The following SLC28A1 variants were observed in gnomAD, a reference collection of about 807,000 sequenced individuals.
SLC28A1 encodes the protein solute carrier family 28 member 1.
A neutral mutation model predicts 74.8 loss-of-function variants in SLC28A1; 64 were observed. That is an observed-to-expected ratio of 0.86 (90% CI 0.70 to 1.05). The LOEUF (loss-of-function observed/expected upper bound fraction) is 1.05, where lower values mean the gene tolerates loss of function less well. Ranked by LOEUF, SLC28A1 falls within the 50% of genes least tolerant of loss-of-function variation. The pLI is 0.00. For missense variants in SLC28A1, 828 were observed against 822.8 expected (o/e 1.01, Z -0.08); for synonymous variants, 359 against 335.0 (o/e 1.07, Z -0.78).
At chr15:84,964,572 C>G in the SLC28A1 span, among the ~76,000 whole-genome samples, 1 of 152,236 alleles carries the variant, frequency 6.6e-6, no homozygotes, top group East Asian at 1.9e-4. Flanking sequence ...AGTAGCAACT[C>G]CAGGGGTAAG....
chr15:84,890,413 A>C (rs189868450), intron 4 of SLC28A1, 30 bp from the exon 5 acceptor site: 2 of 1,547,838 alleles, frequency 1.3e-6, no homozygotes, highest in East Asian at 2.3e-5. Context: ...CTGCTCATGC[A>C]CTCATGGACC....
chr15:84,936,917 G>A (rs1251901667), intron 15 of SLC28A1, among the ~76,000 whole-genome samples: 1 of 152,088 alleles, frequency 6.6e-6, no homozygotes, highest in Non-Finnish European at 1.5e-5. Context: ...GCGGGGTGCA[G>A]TGGTGCATGC....
intron 8 of SLC28A1, 77 bp downstream of exon 8, chr15:84,905,729 A>G (rs1007139914): frequency 2.0e-4 from 219 of 1,106,730 alleles, no homozygotes; most frequent in Admixed American, 6.8e-4. Flanking sequence ...GCAGGGGGAA[A>G]AGTGGGTGGT....
chr15:84,927,678 T>A (rs1466054773), intron 12 of SLC28A1, among the ~76,000 whole-genome samples: 1 of 152,212 alleles, frequency 6.6e-6, no homozygotes, highest in Non-Finnish European at 1.5e-5. Flanking sequence ...GAAAAGGGCT[T>A]CTGGTCTCCG....
intron 4 of SLC28A1, among the ~76,000 whole-genome samples, chr15:84,889,149 C>G (rs1455029311): frequency 2.0e-5 from 3 of 152,186 alleles, no homozygotes; most frequent in African/African-American, 4.8e-5. Context: ...CAACCTCCCC[C>G]TTCTGCCTTC....
chr15:84,935,551 G>A, intron 15 of SLC28A1, 33 bp downstream of exon 15: 2 of 1,571,730 alleles, frequency 1.3e-6, no homozygotes, highest in Non-Finnish European at 1.7e-6. Context: ...TGCAGCAGGG[G>A]GATGACACGG....
chr15:84,886,230 A>G, intron 1 of SLC28A1: 6 of 985,410 alleles, frequency 6.1e-6, no homozygotes, highest in South Asian at 4.7e-5. Context: ...TCACAGCTAC[A>G]CTGCTTTCCT....
intron 15 of SLC28A1, among the ~76,000 whole-genome samples, chr15:84,943,042 C>T (rs138866387): frequency 1.0e-3 from 155 of 152,050 alleles, no homozygotes; most frequent in East Asian, 8.5e-3. Flanking sequence ...AAAAGTTAGC[C>T]GGGCGTGGTG....
the SLC28A1 span, among the ~76,000 whole-genome samples, chr15:84,952,404 T>C: frequency 1.3e-5 from 2 of 152,148 alleles, no homozygotes; most frequent in Non-Finnish European, 2.9e-5. Context: ...CACGAAATGC[T>C]GCTACACACT....
In SLC28A1 at chr15:84,908,815, C is replaced by T. The variant is rs1019560116; in HGVS notation, c.795+20C>T. ...TTTCAGGTCAGCTTGACTCAGGGTC[C>T]CAGAGGCCTTTAGCAGCCACCGCCC... On this transcript the variant is annotated intron_variant, in intron 9 of 18. Coordinates refer to ENST00000394573, the MANE Select transcript of SLC28A1 (RefSeq NM_004213.5). 1.2e-6 allele frequency: 2 copies of T among 1,607,116 alleles called. No individual in the cohort carries two copies. Among genetic ancestry groups the T allele is most frequent in the South Asian group, 2.2e-5 (2 of 90,906 alleles).
chr15:84,952,624 G>A, the SLC28A1 span, among the ~76,000 whole-genome samples: 8 of 152,210 alleles, frequency 5.3e-5, no homozygotes, highest in Non-Finnish European at 1.0e-4. Context: ...GGTGGCTTAC[G>A]CCTGTAATCC....
chr15:84,911,097 C>T (rs757478014), intron 9 of SLC28A1, among the ~76,000 whole-genome samples: 25 of 152,342 alleles, frequency 1.6e-4, no homozygotes, highest in Non-Finnish European at 2.9e-4. Context: ...AGGTGCCCGG[C>T]GGGCCACGCA....
At chr15:84,890,806 T>A (rs1965291358) in intron 5 of SLC28A1, among the ~76,000 whole-genome samples, 2 of 152,058 alleles carry the variant, frequency 1.3e-5, no homozygotes. Context: ...TGGGGGATGA[T>A]CAGGGAGGAC....
chr15:84,911,297 A>G (rs894507474), intron 9 of SLC28A1, among the ~76,000 whole-genome samples: 1 of 152,154 alleles, frequency 6.6e-6, no homozygotes, highest in Non-Finnish European at 1.5e-5. Context: ...CTTTAGAATC[A>G]TGGATTCCTT....
chr15:84,931,701 A>G (rs948215377), intron 12 of SLC28A1, among the ~76,000 whole-genome samples: 10 of 149,108 alleles, frequency 6.7e-5, no homozygotes, highest in Non-Finnish European at 1.0e-4. Flanking sequence ...AGATACCAAA[A>G]TGCAGAAAGA....
intron 6 of SLC28A1, among the ~76,000 whole-genome samples, chr15:84,900,401 C>CAAAA (rs71135319): frequency 3.4e-5 from 2 of 58,952 alleles, no homozygotes; most frequent in Non-Finnish European, 6.3e-5. Context: ...GACACTGTCT[C>CAAAA]AAAAAAAAAA....
chr15:84,899,832 G>T (rs1292256000), intron 6 of SLC28A1, among the ~76,000 whole-genome samples: 1 of 151,918 alleles, frequency 6.6e-6, no homozygotes, highest in Non-Finnish European at 1.5e-5. Flanking sequence ...GACATAGGCT[G>T]CAGTGAGCCA....
At chr15:84,933,900 G>A (rs1437494900) in intron 13 of SLC28A1, among the ~76,000 whole-genome samples, 10 of 152,198 alleles carry the variant, frequency 6.6e-5, no homozygotes, top group Admixed American at 2.0e-4. Context: ...GCTTGAATCC[G>A]GGAGGTGGAG....
chr15:84,896,633 G>T (rs1966029553), intron 6 of SLC28A1, among the ~76,000 whole-genome samples: 1 of 152,064 alleles, frequency 6.6e-6, no homozygotes, highest in Non-Finnish European at 1.5e-5. Flanking sequence ...CCAACATGGC[G>T]AAACCCTGTC....
Sources: allele counts gnomAD v4.1 joint callset (sites outside exome capture counted in the v4.1 genomes callset), GRCh38; gene constraint gnomAD v4.1.1; transcripts MANE v1.5; gene names NCBI Gene and HGNC (gene_info 2026-07-23, HGNC 2026-07-21).